Variants in LZTS2 observed in about 807,000 individuals in gnomAD.
LZTS2 encodes the protein leucine zipper putative tumor suppressor 2.
Under a neutral mutation model 60.6 loss-of-function variants are expected in LZTS2, and 32 were observed. The observed-to-expected ratio is 0.53, with a 90% confidence interval of 0.40 to 0.71. The LOEUF (loss-of-function observed/expected upper bound fraction) is 0.71. LZTS2 is among the 30% of genes least tolerant of loss of function. The probability of loss-of-function intolerance (pLI) is 0.00; values close to 1 mark genes in which losing one functional copy is unlikely to be tolerated. For synonymous variants in LZTS2, 360 were observed against 393.1 expected (o/e 0.92, Z 1.00); for missense variants, 792 against 901.9 (o/e 0.88, Z 1.56).
At chr10:100,999,446 A>C (rs1419436458), upstream of LZTS2, 3 of 152,350 alleles carry the variant, frequency 2.0e-5, no homozygotes, top group Non-Finnish European at 4.4e-5. Flanking sequence ...GTGTCAGGGA[A>C]GCTTCGCCTG....
chr10:101,007,119 A>T, exon 4 of LZTS2: 6 of 1,609,872 alleles, frequency 3.7e-6, no homozygotes, highest in Non-Finnish European at 5.1e-6. Context: ...GGCCTGGCCG[A>T]GCAGGCCCCC....
upstream of LZTS2, chr10:100,997,143 C>G (rs3740491): frequency 0.83 from 125,924 of 152,616 alleles, 52,125 homozygotes; most frequent in African/African-American, 0.86. Context: ...AGTTCGGAGC[C>G]GGCTAGGGAG....
exon 1 of LZTS2, chr10:101,002,866 G>A (rs753581589): frequency 6.2e-7 from 1 of 1,613,882 alleles, no homozygotes; most frequent in Non-Finnish European, 8.5e-7. Context: ...TGTTGAGGAT[G>A]CCCGAGAGCA....
intron 2 of LZTS2, among the ~76,000 whole-genome samples, chr10:101,004,932 A>G (rs1317186620): frequency 6.6e-6 from 1 of 152,196 alleles, no homozygotes; most frequent in African/African-American, 2.4e-5. Context: ...CCCTGGCCTC[A>G]AGTGATTCAC....
rs372200304 is a variant in LZTS2, at chr10:101,002,505, C to T, written c.-34C>T. ...CACTGCCCTGCTTACAGGTCGCCTG[C>T]GAGGCCGCTGGCCAGGCCTGAGCCT... On this transcript the variant is annotated 5_prime_UTR_variant, in exon 1 of 4. An upstream open reading frame in the 5' UTR gains an earlier in-frame stop. Transcript: ENST00000370220. The T allele has an allele frequency of 1.4e-5, 21 of 1,495,726 alleles. No homozygotes were observed. Among genetic ancestry groups the T allele is most frequent in the Admixed American group, 2.4e-5 (1 of 42,198 alleles). 92.7% of individuals were successfully genotyped at this position (1,495,726 alleles called of 1,614,324 possible).
At chr10:101,007,084 G>A in exon 4 of LZTS2, 1 of 1,609,900 alleles carries the variant, frequency 6.2e-7, no homozygotes, top group East Asian at 2.2e-5. Context: ...GCCTGGAGCT[G>A]GAGGCCCGGG....
exon 2 of LZTS2, chr10:101,003,994 G>C (rs531530897): frequency 1.2e-6 from 2 of 1,612,866 alleles, no homozygotes; most frequent in East Asian, 2.2e-5. Flanking sequence ...AGTGGTACTC[G>C]GGCCTCCCCT....
upstream of LZTS2, chr10:100,998,525 G>C (rs376069897): frequency 2.6e-5 from 4 of 151,576 alleles, no homozygotes; most frequent in East Asian, 3.9e-4. Flanking sequence ...GGCCTGGAAG[G>C]GGGGGATGCT....
At chr10:101,000,652 G>C (rs964545966) in exon 1 of LZTS2, 15 of 152,464 alleles carry the variant, frequency 9.8e-5, no homozygotes, top group African/African-American at 3.6e-4. Context: ...CGTGCTCGCT[G>C]AAGTGGGGAA....
chr10:101,007,035 G>A (rs1443090243), exon 4 of LZTS2: 3 of 1,590,508 alleles, frequency 1.9e-6, no homozygotes, highest in South Asian at 2.3e-5. Context: ...CAGATGTACC[G>A]GCGCAACCGG....
At chr10:101,006,070 A>G (rs1213132625) in intron 3 of LZTS2, among the ~76,000 whole-genome samples, 1 of 152,210 alleles carries the variant, frequency 6.6e-6, no homozygotes, top group Non-Finnish European at 1.5e-5. Flanking sequence ...ATAAAGGCTG[A>G]AGCCCCAAAT....
chr10:100,998,915 C>T (rs1000246107), upstream of LZTS2: 1 of 152,492 alleles, frequency 6.6e-6, no homozygotes, highest in African/African-American at 2.4e-5. Flanking sequence ...CACGTGACGG[C>T]TGAGACTGCG....
At chr10:101,003,151 G>A in intron 1 of LZTS2, 1 of 648,430 alleles carries the variant, frequency 1.5e-6, no homozygotes, top group Admixed American at 3.3e-5. Flanking sequence ...TGACATGAAG[G>A]TCAAATAATG....
upstream of LZTS2, among the ~76,000 whole-genome samples, chr10:100,997,775 G>T (rs79844386): frequency 2.5e-3 from 377 of 152,342 alleles, 16 homozygotes; most frequent in East Asian, 0.066. Flanking sequence ...GGGCGCGTTT[G>T]CTTGGTCCCA....
At chr10:100,999,675 TCG>T (rs1489180029) in exon 1 of LZTS2, 1 of 152,078 alleles carries the variant, frequency 6.6e-6, no homozygotes. Flanking sequence ...CCCGGCGGAT[TCG>T]CGTGACGCGG....
At chr10:101,003,186 C>T in intron 1 of LZTS2, 2 of 566,344 alleles carry the variant, frequency 3.5e-6, no homozygotes, top group South Asian at 5.8e-5. Flanking sequence ...TAGCACGTAG[C>T]ATGTACGCAG....
At chr10:101,007,521 T>TC in exon 4 of LZTS2, 1 of 1,337,508 alleles carries the variant, frequency 7.5e-7, no homozygotes, top group Non-Finnish European at 9.8e-7. Flanking sequence ...CTCTTCACAT[T>TC]CCCCCCGACC....
upstream of LZTS2, among the ~76,000 whole-genome samples, chr10:100,998,156 G>A (rs1279733925): frequency 6.6e-6 from 1 of 152,110 alleles, no homozygotes; most frequent in African/African-American, 2.4e-5. Context: ...GAGTGGGCCT[G>A]CCCCCCTAGA....
exon 1 of LZTS2, chr10:101,002,857 G>A (rs1393365463): frequency 6.2e-7 from 1 of 1,613,780 alleles, no homozygotes; most frequent in African/African-American, 1.3e-5. Flanking sequence ...AAGCAGTGAT[G>A]TTGAGGATGC....
Sources: allele counts gnomAD v4.1 joint callset (sites outside exome capture counted in the v4.1 genomes callset), GRCh38; gene constraint gnomAD v4.1.1; transcripts MANE v1.5; gene names NCBI Gene and HGNC (gene_info 2026-07-23, HGNC 2026-07-21).